SH3GL2: variants seen among roughly 807,000 people sequenced by gnomAD.
SH3GL2 encodes SH3 domain containing GRB2 like 2, endophilin A1, also known as endophilin-A1.
A neutral mutation model predicts 46.0 loss-of-function variants in SH3GL2; 24 were observed. The ratio of observed to expected loss-of-function variants is 0.52; its 90% confidence interval spans 0.38 to 0.73. The LOEUF (loss-of-function observed/expected upper bound fraction) is 0.73. Among genes scored for constraint, SH3GL2 ranks in the 30% least tolerant of loss-of-function variants. SH3GL2 has a pLI of 0.00. For synonymous variants in SH3GL2, 196 were observed against 147.1 expected (o/e 1.33, Z -2.40); for missense variants, 413 against 424.2 (o/e 0.97, Z 0.23).
At position 17,759,358 on chromosome 9, in the gene SH3GL2, C is replaced by T. The variant is rs142321500; in HGVS notation, c.115-2079C>T. On this transcript the variant is annotated intron_variant, in intron 2 of 8. Transcript: ENST00000380607. ...TACCTTCCTGCTGATGCTGTTTCAC[C>T]GGCTACTGCCAGGTCCCCAGCCCCA... Among the ~76,000 whole-genome samples the T allele has an allele frequency of 1.9e-3, 294 of 152,320 alleles. 2 individuals carry two copies. The highest frequency in any genetic ancestry group is 6.0e-3 in the African/African-American group (250 of 41,572).
intron 1 of SH3GL2, among the ~76,000 whole-genome samples, chr9:17,710,817 G>C (rs1477982831): frequency 6.6e-6 from 1 of 151,872 alleles, no homozygotes; most frequent in South Asian, 2.1e-4. Flanking sequence ...TAATAGTACA[G>C]CTCTCTCCTC....
At chr9:17,694,927 T>C (rs1821167116) in intron 1 of SH3GL2, among the ~76,000 whole-genome samples, 1 of 149,036 alleles carries the variant, frequency 6.7e-6, no homozygotes, top group Admixed American at 6.7e-5. Context: ...CACACTTAGG[T>C]GATACCTTGC....
At chr9:17,642,004 A>C (rs746710646) in intron 1 of SH3GL2, among the ~76,000 whole-genome samples, 11 of 152,148 alleles carry the variant, frequency 7.2e-5, no homozygotes, top group Non-Finnish European at 1.6e-4. Flanking sequence ...TAGATCCTTG[A>C]GGAATCACCA....
intron 2 of SH3GL2, chr9:17,755,719 A>G (rs1186872046): frequency 1.1e-6 from 1 of 933,416 alleles, no homozygotes; most frequent in African/African-American, 1.8e-5. Context: ...TGTGGTATCT[A>G]ATAGTATGAA....
At chr9:17,670,762 G>GT (rs1045788354) in intron 1 of SH3GL2, among the ~76,000 whole-genome samples, 8 of 152,166 alleles carry the variant, frequency 5.3e-5, no homozygotes, top group Admixed American at 5.2e-4. Flanking sequence ...AATTATGAAA[G>GT]TTTTTTTCCT....
At position 17,764,719 on chromosome 9, in the gene SH3GL2, G is replaced by C. The variant is rs12171715; in HGVS notation, c.187+3210G>C. On this transcript the variant is annotated intron_variant, in intron 3 of 8. Coordinates refer to ENST00000380607, the MANE Select transcript of SH3GL2 (RefSeq NM_003026.5). ...TCTTGGGTACATGGACAGGCCAGGGGAATCAGTAGGATTTGATGCTTCGAG... is the reference window on the plus strand; with the variant it reads ...TCTTGGGTACATGGACAGGCCAGGGCAATCAGTAGGATTTGATGCTTCGAG... 4.6e-3 allele frequency among the ~76,000 whole-genome samples: 143 copies of C among 31,010 alleles called. 4 individuals are homozygous for C. Among genetic ancestry groups the C allele is most frequent in the Middle Eastern group, 0.019 (1 of 54 alleles). 20.3% of individuals were successfully genotyped at this position (31,010 alleles called of 152,430 possible). A position where few individuals can be genotyped will look rare whatever the true frequency, so the allele number is the denominator to read the frequency against.
intron 3 of SH3GL2, among the ~76,000 whole-genome samples, chr9:17,784,103 T>G (rs1250143921): frequency 6.6e-6 from 1 of 152,164 alleles, no homozygotes; most frequent in African/African-American, 2.4e-5. Context: ...AGCTAGTCTC[T>G]TCAGATATGT....
At chr9:17,742,778 C>T (rs1322297609) in intron 1 of SH3GL2, among the ~76,000 whole-genome samples, 1 of 152,052 alleles carries the variant, frequency 6.6e-6, no homozygotes, top group African/African-American at 2.4e-5. Context: ...TAAATGGGCA[C>T]CATTAAAGGT....
intron 1 of SH3GL2, among the ~76,000 whole-genome samples, chr9:17,677,127 A>G (rs1377717169): frequency 6.6e-6 from 1 of 152,068 alleles, no homozygotes; most frequent in African/African-American, 2.4e-5. Flanking sequence ...TCCTGAGAGA[A>G]CCCACGTTCA....
At chr9:17,598,343 T>A (rs150206918) in intron 1 of SH3GL2, among the ~76,000 whole-genome samples, 1 of 152,334 alleles carries the variant, frequency 6.6e-6, no homozygotes, top group East Asian at 1.9e-4. Context: ...TCATGGAACA[T>A]CTCCAGCTGG....
intron 1 of SH3GL2, among the ~76,000 whole-genome samples, chr9:17,696,247 A>C (rs528117315): frequency 6.6e-6 from 1 of 152,286 alleles, no homozygotes; most frequent in South Asian, 2.1e-4. Context: ...GGATATTTTA[A>C]ATACAGATAA....
chr9:17,771,938 A>G (rs1823493066), intron 3 of SH3GL2, among the ~76,000 whole-genome samples: 1 of 152,172 alleles, frequency 6.6e-6, no homozygotes, highest in Non-Finnish European at 1.5e-5. Context: ...AGTGTCTTCT[A>G]ATAGTTAACT....
At chr9:17,786,283 T>C in intron 3 of SH3GL2, 98 bp from the exon 4 acceptor site, 2 of 1,121,272 alleles carry the variant, frequency 1.8e-6, no homozygotes, top group Non-Finnish European at 2.6e-6. Context: ...GTAGCTGAGC[T>C]ACTTTGTAGG....
chr9:17,790,493 T>G, intron 6 of SH3GL2: 1 of 780,666 alleles, frequency 1.3e-6, no homozygotes, highest in Non-Finnish European at 1.6e-6. Context: ...GTAAAACAAC[T>G]TGTGTCCACC....
intron 1 of SH3GL2, among the ~76,000 whole-genome samples, chr9:17,689,519 T>C (rs567600227): frequency 6.6e-6 from 1 of 152,216 alleles, no homozygotes; most frequent in Non-Finnish European, 1.5e-5. Context: ...TGACCCCTCC[T>C]TTTGAGTGTC....
chr9:17,762,633 G>T (rs949517175), intron 3 of SH3GL2, among the ~76,000 whole-genome samples: 1 of 152,194 alleles, frequency 6.6e-6, no homozygotes, highest in Non-Finnish European at 1.5e-5. Context: ...ATGAGCTTAT[G>T]TGAGGGAGGA....
At chr9:17,751,389 A>G (rs1402126299) in intron 2 of SH3GL2, among the ~76,000 whole-genome samples, 2 of 152,164 alleles carry the variant, frequency 1.3e-5, no homozygotes, top group Non-Finnish European at 2.9e-5. Flanking sequence ...ATTAATGAGT[A>G]GAAACCATGG....
intron 1 of SH3GL2, among the ~76,000 whole-genome samples, chr9:17,618,228 C>T (rs1819051327): frequency 6.6e-6 from 1 of 152,238 alleles, no homozygotes; most frequent in African/African-American, 2.4e-5. Context: ...AAGTAGAGCT[C>T]AAGGATGCTG....
At chr9:17,615,031 G>A (rs895374208) in intron 1 of SH3GL2, among the ~76,000 whole-genome samples, 2 of 152,276 alleles carry the variant, frequency 1.3e-5, no homozygotes, top group Admixed American at 6.5e-5. Context: ...TGTCCTCTCT[G>A]CTCTCAGAGT....
Sources: allele counts gnomAD v4.1 joint callset (sites outside exome capture counted in the v4.1 genomes callset), GRCh38; gene constraint gnomAD v4.1.1; transcripts MANE v1.5; gene names NCBI Gene and HGNC (gene_info 2026-07-23, HGNC 2026-07-21).